The following WDPCP variants were observed in gnomAD, a reference collection of about 807,000 sequenced individuals.
WDPCP encodes the protein WD repeat-containing and planar cell polarity effector protein fritz homolog.
In WDPCP, 71 loss-of-function variants were observed where a neutral mutation model predicts 93.1. The observed-to-expected ratio is 0.76, with a 90% CI of 0.63 to 0.93. The LOEUF (loss-of-function observed/expected upper bound fraction) is 0.93. Ranked by LOEUF, WDPCP falls within the 40% of genes least tolerant of loss-of-function variation. The pLI is 0.00. For synonymous variants in WDPCP, 315 were observed against 315.0 expected (o/e 1.00, Z 0.00); for missense variants, 844 against 887.4 (o/e 0.95, Z 0.62).
chr2:63,787,020 T>A (rs549327013), intron 2 of WDPCP, among the ~76,000 whole-genome samples: 14 of 152,324 alleles, frequency 9.2e-5, no homozygotes, highest in African/African-American at 2.9e-4. Flanking sequence ...TAGAAGGTTC[T>A]TACATTCGTT....
At chr2:63,576,982 T>C (rs1708159057) in intron 1 of WDPCP, among the ~76,000 whole-genome samples, 1 of 152,172 alleles carries the variant, frequency 6.6e-6, no homozygotes, top group Non-Finnish European at 1.5e-5. Flanking sequence ...CACTATAAGG[T>C]AGTTCCACGA....
intron 6 of WDPCP, among the ~76,000 whole-genome samples, chr2:63,480,506 C>G (rs528240961): frequency 2.6e-5 from 4 of 152,196 alleles, no homozygotes; most frequent in East Asian, 3.9e-4. Context: ...CCATAGTTAC[C>G]AAAACAGCGT....
Position 63,121,608 on chromosome 2 carries a change from G to A in WDPCP, c.*398C>T. On this transcript the variant is annotated 3_prime_UTR_variant, in exon 18 of 18. Transcript: ENST00000272321. The stretch of plus-strand genomic sequence containing the variant: ...TAGTCTTGAACTCCTGGGCTCAAGT[G>A]ATCCTTCAGCCTTGGCCTCCTAAAG... 1 of 177,640 alleles carries A rather than the reference G, an allele frequency of 5.6e-6. No homozygotes were observed. Among genetic ancestry groups the A allele is most frequent in the Non-Finnish European group, 1.2e-5 (1 of 84,364 alleles). The allele number at this position is 177,640 out of a possible 1,614,324, so 11.0% of individuals were successfully genotyped here. A position where few individuals can be genotyped will look rare whatever the true frequency, so the allele number is the denominator to read the frequency against.
At chr2:63,173,954 T>C (rs1428451086) in intron 15 of WDPCP, among the ~76,000 whole-genome samples, 2 of 152,218 alleles carry the variant, frequency 1.3e-5, no homozygotes, top group African/African-American at 4.8e-5. Flanking sequence ...TCTGACCCAC[T>C]GCCTATTTTT....
chr2:63,357,570 CA>C (rs2104618035), intron 12 of WDPCP, among the ~76,000 whole-genome samples: 1 of 152,212 alleles, frequency 6.6e-6, no homozygotes, highest in East Asian at 1.9e-4. Flanking sequence ...TACCATCTCA[CA>C]GTCAGAATGG....
At chr2:63,546,917 TA>T (rs1303086417) in intron 1 of WDPCP, among the ~76,000 whole-genome samples, 1 of 151,338 alleles carries the variant, frequency 6.6e-6, no homozygotes, top group African/African-American at 2.4e-5. Flanking sequence ...ACTATTTTTT[TA>T]AAAAAAAGAC....
chr2:63,840,346 A>G, the WDPCP span, among the ~76,000 whole-genome samples: 1 of 152,228 alleles, frequency 6.6e-6, no homozygotes, highest in Non-Finnish European at 1.5e-5. Context: ...GAATCTACCA[A>G]AAGAAAAGCA....
chr2:63,229,910 A>G (rs1678681861), intron 14 of WDPCP: 1 of 158,948 alleles, frequency 6.3e-6, no homozygotes, highest in Non-Finnish European at 1.4e-5. Flanking sequence ...AAAAAAAGAC[A>G]AAAAAAATAA....
chr2:63,509,638 G>A (rs1702101553), intron 1 of WDPCP, among the ~76,000 whole-genome samples: 1 of 152,100 alleles, frequency 6.6e-6, no homozygotes, highest in South Asian at 2.1e-4. Flanking sequence ...AGTGAATCCA[G>A]GAGCTGGTTT....
chr2:63,247,558 T>C (rs1405819146), intron 14 of WDPCP, among the ~76,000 whole-genome samples: 1 of 152,068 alleles, frequency 6.6e-6, no homozygotes, highest in East Asian at 1.9e-4. Flanking sequence ...ATGCACAAAA[T>C]TATCAAAAAT....
intron 2 of WDPCP, among the ~76,000 whole-genome samples, chr2:63,712,320 A>G (rs1669274656): frequency 6.6e-6 from 1 of 152,238 alleles, no homozygotes; most frequent in African/African-American, 2.4e-5. Flanking sequence ...AATTTGCATC[A>G]GATGCATTTT....
At chr2:63,718,135 C>T (rs1356715677) in intron 2 of WDPCP, among the ~76,000 whole-genome samples, 1 of 151,884 alleles carries the variant, frequency 6.6e-6, no homozygotes, top group Non-Finnish European at 1.5e-5. Flanking sequence ...ATATATGTCA[C>T]ATTTTCTTTC....
chr2:63,530,195 T>A (rs181636272), intron 1 of WDPCP, among the ~76,000 whole-genome samples: 2 of 152,320 alleles, frequency 1.3e-5, no homozygotes, highest in African/African-American at 4.8e-5. Flanking sequence ...TGTGTCTCTA[T>A]CTCCTTCAAT....
At chr2:63,806,236 T>C (rs1670760559) in intron 2 of WDPCP, among the ~76,000 whole-genome samples, 1 of 151,730 alleles carries the variant, frequency 6.6e-6, no homozygotes, top group Non-Finnish European at 1.5e-5. Flanking sequence ...AGGGACAGAG[T>C]ACAAAAGAGA....
chr2:63,448,313 G>A (rs1697998422), intron 6 of WDPCP, among the ~76,000 whole-genome samples: 3 of 152,092 alleles, frequency 2.0e-5, no homozygotes, highest in Admixed American at 1.3e-4. Flanking sequence ...ATTTCTCAAA[G>A]CAGAGTCCAT....
chr2:63,519,200 T>C (rs1425316871), intron 1 of WDPCP: 1 of 152,216 alleles, frequency 6.6e-6, no homozygotes, highest in Non-Finnish European at 1.5e-5. Context: ...CCCCGCCCCA[T>C]GTCGACCATT....
intron 12 of WDPCP, among the ~76,000 whole-genome samples, chr2:63,335,897 G>C (rs1199488819): frequency 6.6e-6 from 1 of 152,148 alleles, no homozygotes; most frequent in Non-Finnish European, 1.5e-5. Flanking sequence ...GACAAAACCT[G>C]CCAAAACCAA....
chr2:63,354,097 A>G (rs1689830414), intron 12 of WDPCP, among the ~76,000 whole-genome samples: 1 of 152,140 alleles, frequency 6.6e-6, no homozygotes, highest in Non-Finnish European at 1.5e-5. Context: ...CAAAGGGGCA[A>G]AGACCCTAAA....
chr2:63,597,682 C>T (rs2106612192), intron 3 of WDPCP: 1 of 990,096 alleles, frequency 1.0e-6, no homozygotes, highest in East Asian at 3.2e-5. Flanking sequence ...TAGTTCTGTA[C>T]AATCATCAGT....
Sources: gnomAD v4.1 joint callset for allele counts (sites outside exome capture counted in the v4.1 genomes callset) on GRCh38, gnomAD v4.1.1 for gene constraint, MANE v1.5 for transcripts, NCBI Gene and HGNC (gene_info 2026-07-23, HGNC 2026-07-21) for gene names.